The following KCNIP4 variants were observed in gnomAD, a reference collection of about 807,000 sequenced individuals.
The protein encoded by KCNIP4 is potassium voltage-gated channel interacting protein 4.
KCNIP4 carries 12 observed loss-of-function variants against 34.0 expected under a neutral mutation model. The observed-to-expected ratio is 0.35, with a 90% confidence interval of 0.23 to 0.57. The LOEUF is 0.57. KCNIP4 is among the 20% of genes least tolerant of loss of function. The pLI is 0.83. For synonymous variants in KCNIP4, 124 were observed against 102.2 expected, an observed-to-expected ratio of 1.21 and a Z score of -1.29; for missense variants, 238 against 311.7, an observed-to-expected ratio of 0.76 and a Z score of 1.78.
intron 3 of KCNIP4, among the ~76,000 whole-genome samples, chr4:20,845,340 C>T (rs1720233572): frequency 6.6e-6 from 1 of 152,156 alleles, no homozygotes; most frequent in African/African-American, 2.4e-5. Flanking sequence ...ATGCTCTACC[C>T]TAACTGATCA....
chr4:21,826,642 G>T (rs1307183820), intron 1 of KCNIP4, among the ~76,000 whole-genome samples: 3 of 151,970 alleles, frequency 2.0e-5, no homozygotes, highest in African/African-American at 7.2e-5. Flanking sequence ...ATGATCACAT[G>T]TGAAAAAAAT....
At position 21,233,496 on chromosome 4, in the gene KCNIP4, G is replaced by A. The variant is rs573605543; in HGVS notation, c.62-350787C>T. On this transcript the variant is annotated intron_variant, in intron 1 of 8. Transcript: ENST00000382152. ...TTATAGAATTGTTGCCAGGGAAAAG[G>A]TAGAGGGTGAGGATTCAGAAGAGAG... 1.2e-4 allele frequency among the ~76,000 whole-genome samples: 18 copies of A among 152,148 alleles called. No homozygotes were observed. The South Asian group carries it at 3.7e-3, about 32-fold the overall frequency.
chr4:21,024,727 C>T (rs1411564407), intron 1 of KCNIP4, among the ~76,000 whole-genome samples: 1 of 152,160 alleles, frequency 6.6e-6, no homozygotes, highest in South Asian at 2.1e-4. Context: ...CGCCCGCTGA[C>T]ATTTAGTGAA....
At chr4:21,311,380 T>G (rs1026293421) in intron 1 of KCNIP4, among the ~76,000 whole-genome samples, 2 of 152,152 alleles carry the variant, frequency 1.3e-5, no homozygotes, top group Non-Finnish European at 2.9e-5. Context: ...AATTATAAAC[T>G]TATAATGGCT....
intron 3 of KCNIP4, among the ~76,000 whole-genome samples, chr4:20,771,860 C>CG (rs1755917699): frequency 6.6e-6 from 1 of 152,004 alleles, no homozygotes; most frequent in Non-Finnish European, 1.5e-5. Context: ...TTAGTAGAGA[C>CG]GGGGTTTCAC....
intron 1 of KCNIP4, among the ~76,000 whole-genome samples, chr4:21,068,154 G>C (rs1744574338): frequency 6.6e-6 from 1 of 152,100 alleles, no homozygotes; most frequent in African/African-American, 2.4e-5. Flanking sequence ...GCAGGGAACT[G>C]AGCAGAACTG....
At chr4:20,864,103 TGTATGTATACATATCCATGTATACAC>T (rs1722544576) in intron 2 of KCNIP4, among the ~76,000 whole-genome samples, 2 of 145,334 alleles carry the variant, frequency 1.4e-5, no homozygotes, top group African/African-American at 2.5e-5. Context: ...TGTATACGTA[TGTATGTATACATATCCATGTATACAC>T]ATGTATGTAT....
chr4:21,327,749 G>A (rs1376387393), intron 1 of KCNIP4, among the ~76,000 whole-genome samples: 1 of 151,672 alleles, frequency 6.6e-6, no homozygotes, highest in Non-Finnish European at 1.5e-5. Context: ...TCTTTCTGAT[G>A]TTTTTGTCCT....
chr4:21,276,608 G>A (rs1486674302), intron 1 of KCNIP4, among the ~76,000 whole-genome samples: 2 of 152,114 alleles, frequency 1.3e-5, no homozygotes, highest in African/African-American at 2.4e-5. Context: ...CCTGGTCTAT[G>A]TGTCTTACCT....
At chr4:21,219,369 G>GT (rs1358522793) in intron 1 of KCNIP4, among the ~76,000 whole-genome samples, 5 of 152,182 alleles carry the variant, frequency 3.3e-5, no homozygotes, top group Non-Finnish European at 5.9e-5. Context: ...GCACATATTT[G>GT]TTTGGGTGTG....
chr4:21,432,250 G>T (rs1023494518), intron 1 of KCNIP4, among the ~76,000 whole-genome samples: 2 of 149,708 alleles, frequency 1.3e-5, no homozygotes, highest in Non-Finnish European at 3.0e-5. Context: ...TCCAAATAAA[G>T]CGAGGAAAAA....
chr4:21,665,790 T>C (rs1312291928), intron 1 of KCNIP4, among the ~76,000 whole-genome samples: 2 of 152,112 alleles, frequency 1.3e-5, no homozygotes, highest in African/African-American at 2.4e-5. Context: ...GATACAGAAT[T>C]CTCTCTGTTA....
At chr4:21,284,057 C>CA (rs1157818989) in intron 1 of KCNIP4, among the ~76,000 whole-genome samples, 1 of 151,612 alleles carries the variant, frequency 6.6e-6, no homozygotes, top group Non-Finnish European at 1.5e-5. Context: ...ACCAAAAATA[C>CA]AAAAAATTAG....
At chr4:21,692,168 T>C (rs1010560156) in intron 1 of KCNIP4, among the ~76,000 whole-genome samples, 8 of 152,234 alleles carry the variant, frequency 5.3e-5, no homozygotes, top group African/African-American at 1.7e-4. Flanking sequence ...AACAGTCTTC[T>C]TTGGGAAAGA....
chr4:21,288,648 C>T (rs1033663575), intron 1 of KCNIP4, among the ~76,000 whole-genome samples: 1 of 152,128 alleles, frequency 6.6e-6, no homozygotes. Flanking sequence ...TGGTGCCCAA[C>T]ATTACAAATT....
At chr4:21,594,500 A>T (rs1306504810) in intron 1 of KCNIP4, among the ~76,000 whole-genome samples, 2 of 152,106 alleles carry the variant, frequency 1.3e-5, no homozygotes, top group African/African-American at 4.8e-5. Flanking sequence ...ATGATATAAG[A>T]TGTAAAATTC....
chr4:21,210,780 A>G (rs143066925), intron 1 of KCNIP4, among the ~76,000 whole-genome samples: 8 of 152,324 alleles, frequency 5.3e-5, no homozygotes, highest in African/African-American at 1.9e-4. Context: ...CTTAATGTTT[A>G]ATGAATAATT....
intron 3 of KCNIP4, among the ~76,000 whole-genome samples, chr4:20,762,413 TCAAATC>T (rs1240496911): frequency 2.6e-5 from 4 of 152,202 alleles, no homozygotes; most frequent in Non-Finnish European, 4.4e-5. Context: ...TATTAAAAAA[TCAAATC>T]CAAGAATGAT....
chr4:21,515,588 G>A (rs1226007857), intron 1 of KCNIP4, among the ~76,000 whole-genome samples: 1 of 152,042 alleles, frequency 6.6e-6, no homozygotes, highest in East Asian at 1.9e-4. Flanking sequence ...GCAGTGAGCC[G>A]AGATTGTGTC....
Sources: gnomAD v4.1 joint callset for allele counts (sites outside exome capture counted in the v4.1 genomes callset) on GRCh38, gnomAD v4.1.1 for gene constraint, MANE v1.5 for transcripts, NCBI Gene and HGNC (gene_info 2026-07-23, HGNC 2026-07-21) for gene names.